DCTN3: variants seen among roughly 807,000 people sequenced by gnomAD.
The protein encoded by DCTN3 is dynactin subunit 3, also known as dynactin 3 (p22).
In DCTN3, 25 loss-of-function variants were observed where a neutral mutation model predicts 28.4. The ratio of observed to expected loss-of-function variants is 0.88; its 90% CI spans 0.64 to 1.23. The LOEUF (loss-of-function observed/expected upper bound fraction) is 1.23. DCTN3 is among the 50% of genes most tolerant of loss of function. DCTN3 has a pLI of 0.00. For synonymous variants in DCTN3, 81 were observed against 91.4 expected, an observed-to-expected ratio of 0.89 and a Z score of 0.65; for missense variants, 229 against 232.0, an observed-to-expected ratio of 0.99 and a Z score of 0.08.
intron 4 of DCTN3, 156 bp downstream of exon 4, chr9:34,615,872 GCC>G (rs1191750653): frequency 3.8e-4 from 200 of 529,004 alleles, no homozygotes; most frequent in Non-Finnish European, 9.8e-5. Flanking sequence ...CTGCACTCCA[GCC>G]TGGGTGACAG....
chr9:34,614,551 C>A, intron 5 of DCTN3, 159 bp downstream of exon 5: 1 of 777,470 alleles, frequency 1.3e-6, no homozygotes, highest in Admixed American at 2.6e-5. Flanking sequence ...AGGCAAGTCC[C>A]TTTACCTCCC....
intron 5 of DCTN3, 100 bp from the exon 6 acceptor site, chr9:34,614,201 A>C: frequency 6.2e-7 from 1 of 1,604,616 alleles, no homozygotes; most frequent in Non-Finnish European, 8.5e-7. Flanking sequence ...CATGGAGCCT[A>C]AAAAAGATGA....
chr9:34,617,544 C>A, intron 3 of DCTN3: 1 of 819,710 alleles, frequency 1.2e-6, no homozygotes, highest in Non-Finnish European at 1.7e-6. Flanking sequence ...TCTTTAATGG[C>A]AATGCTCTCT....
At position 34,620,412 on chromosome 9, in the gene DCTN3, T is replaced by C. The variant is rs1387003357; in HGVS notation, c.53A>G (p.Glu18Gly). 6.4e-7 allele frequency: 1 copy of C among 1,570,672 alleles called. No individual in the cohort carries two copies. Among genetic ancestry groups the C allele is most frequent in the African/African-American group, 1.4e-5 (1 of 73,834 alleles). The part of the protein sequence containing the change: ...QRLQARVEEL[E>G]RWVYGPGGAR... The stretch of plus-strand genomic sequence containing the variant: ...CCCGCCCGGCCCGTACACCCAGCGC[T>C]CCAGCTCTTCCACTCGGGCCTGTAG... Residue 18 changes from glutamate (E) to glycine (G), a missense_variant, in exon 1 of 7, where the codon GAG becomes GGG. Glu to Gly is a moderately conservative substitution (Grantham distance 98). Transcript: ENST00000259632.
chr9:34,619,519 T>C (rs756645972), intron 1 of DCTN3, among the ~76,000 whole-genome samples: 23 of 151,970 alleles, frequency 1.5e-4, no homozygotes, highest in Admixed American at 3.3e-4. Context: ...ACTCACCCAG[T>C]TTTTAGGGTA....
At chr9:34,615,001 T>C (rs559054192) in intron 4 of DCTN3, 11 of 551,886 alleles carry the variant, frequency 2.0e-5, no homozygotes, top group Admixed American at 6.6e-5. Flanking sequence ...AGACAAAACC[T>C]TGGGGTTCCC....
chr9:34,618,801 G>A (rs371404822), intron 1 of DCTN3, 41 bp from the exon 2 acceptor site: 2 of 1,504,398 alleles, frequency 1.3e-6, no homozygotes, highest in African/African-American at 1.4e-5. Context: ...TATACTACCT[G>A]GCTCAAGGCT....
chr9:34,617,730 C>T (rs1360255229), intron 3 of DCTN3, 155 bp downstream of exon 3: 1 of 1,518,508 alleles, frequency 6.6e-7, no homozygotes, highest in Non-Finnish European at 8.9e-7. Flanking sequence ...CTAGAGGATC[C>T]ATAGGATCCT....
Position 34,613,803 on chromosome 9 carries a change from T to C in DCTN3, c.540A>G (p.Gln180=). ...ELLCQLEAAT[Q]VKPAEE The stretch of plus-strand genomic sequence containing the variant: ...GCTATCACTCCTCTGCTGGCTTCAC[T>C]TGCGTGGCGGCCTCTAGCTGGCAAA... Residue 180 remains glutamine, a synonymous_variant, in exon 7 of 7, where the codon CAA becomes CAG. Coordinates refer to ENST00000259632, the MANE Select transcript of DCTN3 (RefSeq NM_007234.5). 1 of 1,614,064 alleles carries C rather than the reference T, an allele frequency of 6.2e-7. No homozygotes were observed. The highest frequency in any genetic ancestry group is 8.5e-7 in the Non-Finnish European group (1 of 1,179,966).
At position 34,615,183 on chromosome 9, in the gene DCTN3, G is replaced by A. The variant is rs138699024; in HGVS notation, c.353-415C>T. 1,150 of 171,922 alleles carry A rather than the reference G, an allele frequency of 6.7e-3. 15 individuals are homozygous for A. Among genetic ancestry groups the A allele is most frequent in the African/African-American group, 0.023 (980 of 42,310 alleles). The allele number at this position is 171,922 out of a possible 1,614,324, so 10.6% of individuals were successfully genotyped here. The stretch of plus-strand genomic sequence containing the variant: ...AGGTCCCTAAGCTGGAATCCAACAC[G>A]CCAAGGCTTGGCCACCATGCTGGGC... On this transcript the variant is annotated intron_variant, in intron 4 of 6. Transcript: ENST00000259632.
Position 34,617,877 on chromosome 9 carries a change from A to T in DCTN3, c.268+8T>A. On this transcript the variant is annotated splice_region_variant and intron_variant, in intron 3 of 6. Transcript: ENST00000259632. The stretch of plus-strand genomic sequence containing the variant: ...TCAGATGCATGTACACATGTAGTCC[A>T]GCATTACCTGCTAGGATGAATTGCA... 1 of 1,613,792 alleles carries T rather than the reference A, an allele frequency of 6.2e-7. No individual in the cohort carries two copies. Among genetic ancestry groups the T allele is most frequent in the South Asian group, 1.1e-5 (1 of 91,068 alleles).
Position 34,616,080 on chromosome 9 carries a change from A to T in DCTN3, c.302T>A (p.Leu101Gln), listed in dbSNP as rs1463881300. 1 of 1,614,122 alleles carries T rather than the reference A, an allele frequency of 6.2e-7. No individual in the cohort carries two copies. The highest frequency in any genetic ancestry group is 1.7e-5 in the Admixed American group (1 of 60,022). The change falls in exon 4 of 7, where the codon CTG (leucine) becomes CAG (glutamine). Residue 101 changes from leucine to glutamine, a missense_variant. Physicochemically the swap from Leu to Gln is moderately radical, Grantham distance 113. Transcript: ENST00000259632. The surrounding 1 kb of genome is among the most constrained non-coding windows in gnomAD (Gnocchi z 4.7). ...EQFILSQVALLEQVNALVPML... is the reference protein window; with the variant it reads ...EQFILSQVALQEQVNALVPML... Reference sequence around the variant, plus strand: ...GGGCACCAAGGCATTCACCTGCTCCAGGAGTGCAACCTGGGAAAGGATAAA... The same window carrying T: ...GGGCACCAAGGCATTCACCTGCTCCTGGAGTGCAACCTGGGAAAGGATAAA...
intron 3 of DCTN3, 67 bp downstream of exon 3, chr9:34,617,818 T>C: frequency 6.2e-7 from 1 of 1,600,236 alleles, no homozygotes; most frequent in Non-Finnish European, 8.5e-7. Context: ...GGAGAGGCCA[T>C]CTCTGTGCTT....
rs1286299884 is a variant in DCTN3, at chr9:34,614,732, G to A, written c.389C>T (p.Ala130Val). 3 of 1,614,072 alleles carry A rather than the reference G, an allele frequency of 1.9e-6. No homozygotes were observed. In the Admixed American group the frequency reaches 5.0e-5, roughly 27 times the overall value. The change falls in exon 5 of 7, where the codon GCC (alanine) becomes GTC (valine). Residue 130 changes from alanine (A) to valine (V), a missense_variant. Physicochemically the swap from Ala to Val is moderately conservative, Grantham distance 64 (BLOSUM62 0). Transcript: ENST00000259632. ...PEHAARLQRL[A>V]QIHIQQQDQC... Reference sequence around the variant, plus strand: ...TACCTGCTGCTGAATGTGGATCTGGGCCAAGCGCTGCAGGCGGGCAGCATG... The same window carrying A: ...TACCTGCTGCTGAATGTGGATCTGGACCAAGCGCTGCAGGCGGGCAGCATG...
intron 3 of DCTN3, 181 bp downstream of exon 3, chr9:34,617,704 C>T (rs1236752957): frequency 2.0e-6 from 3 of 1,498,598 alleles, no homozygotes; most frequent in Non-Finnish European, 2.7e-6. Flanking sequence ...CAGAGGTATA[C>T]TGTACTCAAT....
intron 5 of DCTN3, chr9:34,614,376 T>C (rs1820374493): frequency 2.9e-6 from 2 of 700,972 alleles, no homozygotes; most frequent in Non-Finnish European, 4.6e-6. Context: ...ATTTCTGAAC[T>C]CTCTTTGAAC....
In DCTN3 at chr9:34,616,316, G is replaced by C. The variant is rs964743955; in HGVS notation, c.269-203C>G. On this transcript the variant is annotated intron_variant, in intron 3 of 6. Coordinates refer to ENST00000259632, the MANE Select transcript of DCTN3 (RefSeq NM_007234.5). This position sits in a 1 kb window ranked among gnomAD's most constrained non-coding sequence, Gnocchi z 4.7. Reference sequence around the variant, plus strand: ...TGGATGCCTCAGGTCTGACCCATCTGAGCCTAATGAGCCTCTCAATTTCTC... The same window carrying C: ...TGGATGCCTCAGGTCTGACCCATCTCAGCCTAATGAGCCTCTCAATTTCTC... 2.3e-6 allele frequency: 1 copy of C among 437,418 alleles called. No homozygotes were observed. The highest frequency in any genetic ancestry group is 2.0e-5 in the African/African-American group (1 of 49,190). The allele number at this position is 437,418 out of a possible 1,614,324, so 27.1% of individuals were successfully genotyped here. A position where few individuals can be genotyped will look rare whatever the true frequency, so the allele number is the denominator to read the frequency against.
intron 3 of DCTN3, 109 bp downstream of exon 3, chr9:34,617,776 A>C (rs776024329): frequency 1.9e-6 from 3 of 1,548,034 alleles, no homozygotes; most frequent in Non-Finnish European, 2.6e-6. Flanking sequence ...AGAGAGCAGC[A>C]TCCAGGGCTT....
chr9:34,617,020 T>C (rs938061235), intron 3 of DCTN3, among the ~76,000 whole-genome samples: 2 of 152,158 alleles, frequency 1.3e-5, no homozygotes, highest in South Asian at 2.1e-4. Flanking sequence ...GGATGCACAA[T>C]TCCTGAGGCA....
Sources: gnomAD v4.1 joint callset for allele counts (sites outside exome capture counted in the v4.1 genomes callset) on GRCh38, gnomAD v4.1.1 for gene constraint, Gnocchi (gnomAD v3.1) non-coding constraint, MANE v1.5 for transcripts, NCBI Gene and HGNC (gene_info 2026-07-23, HGNC 2026-07-21) for gene names.